The following CACNA2D3 variants were observed in gnomAD, a reference collection of about 807,000 sequenced individuals.
The protein encoded by CACNA2D3 is calcium voltage-gated channel auxiliary subunit alpha2delta 3.
Under a neutral mutation model 160.6 loss-of-function variants are expected in CACNA2D3, and 60 were observed. The observed-to-expected ratio is 0.37, with a 90% CI of 0.30 to 0.46. The LOEUF (loss-of-function observed/expected upper bound fraction) is 0.46. Ranked by LOEUF, CACNA2D3 falls within the 20% of genes least tolerant of loss-of-function variation. CACNA2D3 has a pLI of 1.00. For synonymous variants in CACNA2D3, 558 were observed against 492.9 expected, an observed-to-expected ratio of 1.13 and a Z score of -1.75; for missense variants, 1,205 against 1,365.0, an observed-to-expected ratio of 0.88 and a Z score of 1.85.
chr3:54,518,060 T>C (rs369701979), intron 5 of CACNA2D3, among the ~76,000 whole-genome samples: 4 of 152,154 alleles, frequency 2.6e-5, no homozygotes, highest in Admixed American at 6.5e-5. Context: ...GTATCGTGAA[T>C]GGAATATTTT....
intron 13 of CACNA2D3, among the ~76,000 whole-genome samples, chr3:54,791,746 TA>T (rs1255621724): frequency 6.6e-6 from 1 of 151,830 alleles, no homozygotes; most frequent in South Asian, 2.1e-4. Context: ...GATTTTGCTT[TA>T]AAAAAAAATT....
At chr3:54,634,733 A>G (rs142397282) in intron 10 of CACNA2D3, among the ~76,000 whole-genome samples, 10,363 of 152,058 alleles carry the variant, frequency 0.068, 192 homozygotes, top group South Asian at 0.091. Flanking sequence ...ATGAGCCAGG[A>G]AAAGGACTTT....
chr3:54,806,647 C>T (rs1389061009), intron 13 of CACNA2D3, among the ~76,000 whole-genome samples: 1 of 152,140 alleles, frequency 6.6e-6, no homozygotes, highest in Non-Finnish European at 1.5e-5. Context: ...TTTATAGATT[C>T]AATGCCATCC....
In CACNA2D3 at chr3:54,504,566, G is replaced by A. The variant is rs1010089721; in HGVS notation, c.544+912G>A. 2.6e-5 allele frequency among the ~76,000 whole-genome samples: 4 copies of A among 152,222 alleles called. 1 individual carries two copies. The highest frequency in any genetic ancestry group is 6.5e-5 in the Admixed American group (1 of 15,276). The stretch of plus-strand genomic sequence containing the variant: ...ATCGAGTAGTAGTTTGCTCTGCTTG[G>A]TCATACCTAAAAAACTTCTAAACAA... On this transcript the variant is annotated intron_variant, in intron 5 of 37. Transcript: ENST00000474759.
At chr3:54,649,163 C>A (rs1032323131) in intron 11 of CACNA2D3, among the ~76,000 whole-genome samples, 15 of 152,192 alleles carry the variant, frequency 9.9e-5, no homozygotes, top group African/African-American at 3.6e-4. Flanking sequence ...TTCCCTCTCT[C>A]CTTGCTTCTT....
intron 2 of CACNA2D3, among the ~76,000 whole-genome samples, chr3:54,220,606 C>T (rs1243008616): frequency 6.6e-6 from 1 of 152,146 alleles, no homozygotes; most frequent in Non-Finnish European, 1.5e-5. Flanking sequence ...GGAGCCTCAG[C>T]ACCCCCACAC....
chr3:54,176,591 C>T (rs1700683405), intron 2 of CACNA2D3, among the ~76,000 whole-genome samples: 1 of 152,124 alleles, frequency 6.6e-6, no homozygotes, highest in African/African-American at 2.4e-5. Flanking sequence ...AATCTGTTTC[C>T]CACGTGAGTC....
At chr3:54,371,851 A>C (rs1037353199) in intron 3 of CACNA2D3, among the ~76,000 whole-genome samples, 1 of 152,240 alleles carries the variant, frequency 6.6e-6, no homozygotes, top group Non-Finnish European at 1.5e-5. Context: ...AAGGTTTTTA[A>C]TAACATGTTT....
intron 29 of CACNA2D3, 56 bp downstream of exon 29, chr3:54,969,900 T>C (rs1702232668): frequency 2.0e-6 from 3 of 1,506,808 alleles, no homozygotes; most frequent in African/African-American, 1.4e-5. Flanking sequence ...TGACAGATGG[T>C]GCTTTATGAC....
intron 2 of CACNA2D3, among the ~76,000 whole-genome samples, chr3:54,241,404 G>A (rs548301719): frequency 3.2e-4 from 49 of 152,318 alleles, no homozygotes; most frequent in Non-Finnish European, 5.4e-4. Context: ...AGCCAGCACA[G>A]TGAGCTAGGT....
chr3:54,842,938 A>G (rs537182145), intron 16 of CACNA2D3, among the ~76,000 whole-genome samples: 1 of 151,526 alleles, frequency 6.6e-6, no homozygotes, highest in South Asian at 2.1e-4. Context: ...GAGGAAGGAA[A>G]GAGAACTACC....
intron 31 of CACNA2D3, 67 bp from the exon 32 acceptor site, chr3:55,004,696 T>C: frequency 9.7e-7 from 1 of 1,026,298 alleles, no homozygotes; most frequent in Non-Finnish European, 1.5e-6. Flanking sequence ...CACCTTGTAG[T>C]ACATAGCATC....
intron 4 of CACNA2D3, among the ~76,000 whole-genome samples, chr3:54,475,628 C>T (rs1700815066): frequency 6.6e-6 from 1 of 152,134 alleles, no homozygotes; most frequent in African/African-American, 2.4e-5. Flanking sequence ...ATGCTGTCTA[C>T]AATCAGCCTT....
At chr3:54,977,610 T>G (rs1702419215) in intron 29 of CACNA2D3, among the ~76,000 whole-genome samples, 1 of 152,106 alleles carries the variant, frequency 6.6e-6, no homozygotes, top group Non-Finnish European at 1.5e-5. Context: ...TATGCAGCTG[T>G]GGGGATTTGA....
At chr3:54,294,501 G>GA (rs2107481917) in intron 2 of CACNA2D3, among the ~76,000 whole-genome samples, 1 of 152,184 alleles carries the variant, frequency 6.6e-6, no homozygotes, top group East Asian at 1.9e-4. Flanking sequence ...ACTGTGGGAG[G>GA]AAAAAGAGTA....
At chr3:54,948,725 A>G (rs1665373520) in intron 27 of CACNA2D3, among the ~76,000 whole-genome samples, 1 of 152,172 alleles carries the variant, frequency 6.6e-6, no homozygotes, top group African/African-American at 2.4e-5. Flanking sequence ...CAGCTATTGT[A>G]TTTGACTGTC....
At chr3:54,381,737 G>A (rs188575475) in intron 3 of CACNA2D3, among the ~76,000 whole-genome samples, 4 of 152,268 alleles carry the variant, frequency 2.6e-5, no homozygotes, top group East Asian at 3.9e-4. Flanking sequence ...TAATATCCCC[G>A]CTATTCCCCT....
intron 9 of CACNA2D3, among the ~76,000 whole-genome samples, chr3:54,602,132 A>G (rs1479472585): frequency 1.3e-5 from 2 of 152,184 alleles, no homozygotes; most frequent in Non-Finnish European, 2.9e-5. Context: ...GACTGGCTAC[A>G]TAATTTTCAA....
At chr3:54,637,197 G>A (rs1400654793) in intron 10 of CACNA2D3, among the ~76,000 whole-genome samples, 4 of 151,968 alleles carry the variant, frequency 2.6e-5, no homozygotes, top group East Asian at 3.9e-4. Flanking sequence ...GTGATAACAG[G>A]CTTTAACCTT....
Sources: gnomAD v4.1 joint callset for allele counts (sites outside exome capture counted in the v4.1 genomes callset) on GRCh38, gnomAD v4.1.1 for gene constraint, MANE v1.5 for transcripts, NCBI Gene and HGNC (gene_info 2026-07-23, HGNC 2026-07-21) for gene names.